Variants in ZBTB20 observed in about 807,000 individuals in gnomAD.
The protein encoded by ZBTB20 is zinc finger and BTB domain containing 20, also known as zinc finger and BTB domain-containing protein 20.
Under a neutral mutation model 56.9 loss-of-function variants are expected in ZBTB20, and 9 were observed. That is an observed-to-expected ratio of 0.16 (90% CI 0.10 to 0.28). The LOEUF is 0.28. Among genes scored for constraint, ZBTB20 ranks in the 10% least tolerant of loss-of-function variants. The pLI is 1.00. For synonymous variants in ZBTB20, 417 were observed against 420.7 expected (o/e 0.99, Z 0.11); for missense variants, 655 against 1,003.0 (o/e 0.65, Z 4.69).
intron 7 of ZBTB20, among the ~76,000 whole-genome samples, chr3:114,408,354 C>T (rs1256439787): frequency 1.3e-5 from 2 of 152,196 alleles, no homozygotes; most frequent in Non-Finnish European, 2.9e-5. Context: ...TTTTCCACAA[C>T]TTTGCTGTTG....
chr3:114,514,508 G>A (rs751985916), intron 6 of ZBTB20, among the ~76,000 whole-genome samples: 4 of 152,144 alleles, frequency 2.6e-5, no homozygotes, highest in Non-Finnish European at 5.9e-5. Flanking sequence ...AATGTATAGG[G>A]CATGAGGGAT....
intron 3 of ZBTB20, among the ~76,000 whole-genome samples, chr3:114,908,436 ATAAAGT>A (rs1255800091): frequency 2.0e-5 from 3 of 152,010 alleles, no homozygotes; most frequent in Non-Finnish European, 4.4e-5. Context: ...AGGGGTACAA[ATAAAGT>A]TTGCAATAAC....
chr3:114,868,822 T>G (rs2075874897), intron 4 of ZBTB20, among the ~76,000 whole-genome samples: 1 of 152,262 alleles, frequency 6.6e-6, no homozygotes, highest in Admixed American at 6.5e-5. Context: ...TTTTTTACTC[T>G]TATCATGGCA....
At chr3:114,344,577 A>C (rs2080042615) in intron 11 of ZBTB20, among the ~76,000 whole-genome samples, 1 of 152,230 alleles carries the variant, frequency 6.6e-6, no homozygotes, top group Non-Finnish European at 1.5e-5. Flanking sequence ...GCAATCATGT[A>C]AAGTAAGTAC....
At chr3:114,341,313 G>A (rs978696732) in intron 11 of ZBTB20, among the ~76,000 whole-genome samples, 1 of 151,664 alleles carries the variant, frequency 6.6e-6, no homozygotes, top group Non-Finnish European at 1.5e-5. Context: ...AGTCATGCAT[G>A]TTTTTAGCTG....
chr3:115,027,143 A>G (rs1232624093), intron 2 of ZBTB20, among the ~76,000 whole-genome samples: 1 of 151,028 alleles, frequency 6.6e-6, no homozygotes, highest in Non-Finnish European at 1.5e-5. Flanking sequence ...TCTGATAAAC[A>G]TGCTTGCAGA....
chr3:114,390,685 C>T (rs1294103156), intron 7 of ZBTB20, among the ~76,000 whole-genome samples: 1 of 152,210 alleles, frequency 6.6e-6, no homozygotes, highest in Non-Finnish European at 1.5e-5. Context: ...AGCTTTTCTA[C>T]AGAGCTGCAC....
At chr3:114,987,504 T>C in intron 2 of ZBTB20, among the ~76,000 whole-genome samples, 1 of 152,182 alleles carries the variant, frequency 6.6e-6, no homozygotes, top group East Asian at 1.9e-4. Flanking sequence ...CACAAAACGT[T>C]GCAATATTTT....
chr3:114,663,571 C>G (rs1304252394), intron 6 of ZBTB20, among the ~76,000 whole-genome samples: 1 of 151,462 alleles, frequency 6.6e-6, no homozygotes, highest in African/African-American at 2.4e-5. Flanking sequence ...ACTAAATTCT[C>G]CAATTAAAAG....
chr3:114,654,385 T>C (rs2060285391), intron 6 of ZBTB20, among the ~76,000 whole-genome samples: 2 of 151,946 alleles, frequency 1.3e-5, no homozygotes, highest in Non-Finnish European at 2.9e-5. Context: ...AACCATGAGG[T>C]ATTAAGTTTG....
chr3:114,819,813 T>C (rs2073136969), intron 4 of ZBTB20, among the ~76,000 whole-genome samples: 1 of 151,886 alleles, frequency 6.6e-6, no homozygotes, highest in African/African-American at 2.4e-5. Context: ...ATATTTAACA[T>C]TTTCTCACAT....
chr3:114,441,513 G>T lies in ZBTB20; in HGVS notation c.-254-52408C>A, dbSNP rs775571158. On this transcript the variant is annotated intron_variant, in intron 7 of 11. Coordinates refer to ENST00000675478, the MANE Select transcript of ZBTB20 (RefSeq NM_001348800.3). ...TTCTGTTTAAGACCCACTGCACTAC[G>T]AATGTCCCTGTACCCGTCAGAACCT... Among the ~76,000 whole-genome samples, 4 of 152,014 alleles carry T rather than the reference G, an allele frequency of 2.6e-5. No homozygotes were observed. In the South Asian group the frequency reaches 8.3e-4, roughly 32 times the overall value.
At chr3:114,524,127 C>T (rs775267346) in intron 6 of ZBTB20, among the ~76,000 whole-genome samples, 22 of 152,106 alleles carry the variant, frequency 1.4e-4, no homozygotes, top group Admixed American at 4.6e-4. Context: ...ATGGAATCTA[C>T]GCTATATAAT....
chr3:114,804,170 A>G (rs2071928477), intron 4 of ZBTB20, among the ~76,000 whole-genome samples: 1 of 151,954 alleles, frequency 6.6e-6, no homozygotes. Context: ...AATGCATTAT[A>G]TTGCAGTAAC....
intron 6 of ZBTB20, among the ~76,000 whole-genome samples, chr3:114,648,764 G>C (rs2059979502): frequency 6.6e-6 from 1 of 151,996 alleles, no homozygotes; most frequent in African/African-American, 2.4e-5. Flanking sequence ...AGCAGAGGAA[G>C]ATCATTGACA....
At chr3:114,806,886 T>C (rs998546545) in intron 4 of ZBTB20, among the ~76,000 whole-genome samples, 9 of 151,962 alleles carry the variant, frequency 5.9e-5, no homozygotes, top group African/African-American at 1.9e-4. Context: ...TCCCTTCCCA[T>C]GACAAATTGC....
intron 2 of ZBTB20, among the ~76,000 whole-genome samples, chr3:115,052,718 G>A (rs1294133523): frequency 6.6e-6 from 1 of 152,032 alleles, no homozygotes; most frequent in African/African-American, 2.4e-5. Flanking sequence ...AAATTACTGA[G>A]AGTTTTGTTA....
chr3:114,959,513 T>C (rs931021388), intron 3 of ZBTB20, among the ~76,000 whole-genome samples: 4 of 151,864 alleles, frequency 2.6e-5, no homozygotes, highest in African/African-American at 9.7e-5. Flanking sequence ...ACTAAGTAAA[T>C]AAATAAATAA....
intron 1 of ZBTB20, among the ~76,000 whole-genome samples, chr3:115,077,153 C>G (rs2082626435): frequency 6.6e-6 from 1 of 151,302 alleles, no homozygotes; most frequent in Non-Finnish European, 1.5e-5. Context: ...GGTTAATATC[C>G]AAAATACATG....
Sources: gnomAD v4.1 joint callset for allele counts (sites outside exome capture counted in the v4.1 genomes callset) on GRCh38, gnomAD v4.1.1 for gene constraint, MANE v1.5 for transcripts, NCBI Gene and HGNC (gene_info 2026-07-23, HGNC 2026-07-21) for gene names.